The following SMC5 variants were observed in gnomAD, a reference collection of about 807,000 sequenced individuals.
The protein encoded by SMC5 is structural maintenance of chromosomes protein 5.
SMC5 carries 88 observed loss-of-function variants against 148.3 expected under a neutral mutation model. The observed-to-expected ratio is 0.59, with a 90% CI of 0.50 to 0.71. The LOEUF (loss-of-function observed/expected upper bound fraction) is 0.71. Among genes scored for constraint, SMC5 ranks in the 30% least tolerant of loss-of-function variants. The probability of loss-of-function intolerance (pLI) is 0.00; values close to 1 mark genes in which losing one functional copy is unlikely to be tolerated. For missense variants in SMC5, 1,142 were observed against 1,298.9 expected (o/e 0.88, Z 1.86); for synonymous variants, 421 against 432.8 (o/e 0.97, Z 0.34).
intron 15 of SMC5, among the ~76,000 whole-genome samples, chr9:70,321,030 T>G (rs963658607): frequency 6.6e-6 from 1 of 152,192 alleles, no homozygotes; most frequent in Non-Finnish European, 1.5e-5. Context: ...AAATAGTTTT[T>G]AACTCACAGA....
chr9:70,341,976 C>G (rs1321027032), intron 17 of SMC5, among the ~76,000 whole-genome samples: 1 of 149,386 alleles, frequency 6.7e-6, no homozygotes, highest in East Asian at 2.0e-4. Flanking sequence ...ATAGCAAAGA[C>G]TTGGAACCAA....
intron 17 of SMC5, among the ~76,000 whole-genome samples, chr9:70,343,837 G>A (rs905397122): frequency 5.9e-5 from 9 of 151,768 alleles, no homozygotes; most frequent in African/African-American, 1.7e-4. Flanking sequence ...AAATAAATAA[G>A]TAAATAAATA....
At chr9:70,314,305 G>A (rs1287037741) in intron 11 of SMC5, among the ~76,000 whole-genome samples, 2 of 152,192 alleles carry the variant, frequency 1.3e-5, no homozygotes, top group Admixed American at 1.3e-4. Flanking sequence ...ATCTCACCTA[G>A]TGCTATTCTT....
intron 11 of SMC5, among the ~76,000 whole-genome samples, chr9:70,308,770 CACT>C (rs920871708): frequency 6.6e-6 from 1 of 151,828 alleles, no homozygotes; most frequent in Non-Finnish European, 1.5e-5. Context: ...ATATTTTTTA[CACT>C]ATCATAAATG....
chr9:70,289,965 A>T (rs1272015442), intron 8 of SMC5, among the ~76,000 whole-genome samples: 1 of 151,970 alleles, frequency 6.6e-6, no homozygotes, highest in Non-Finnish European at 1.5e-5. Context: ...CAAAACCCAA[A>T]ACCGTTTTGA....
chr9:70,301,974 CTG>C (rs1202005437), intron 10 of SMC5, among the ~76,000 whole-genome samples: 1 of 152,192 alleles, frequency 6.6e-6, no homozygotes, highest in Non-Finnish European at 1.5e-5. Context: ...GATGATATGA[CTG>C]TGAAGTTCTA....
At chr9:70,281,948 AT>A (rs561452482) in intron 6 of SMC5, among the ~76,000 whole-genome samples, 4 of 148,108 alleles carry the variant, frequency 2.7e-5, no homozygotes, top group Admixed American at 6.7e-5. Context: ...GTGCCACTTA[AT>A]TTTTTTTTAG....
In SMC5 at chr9:70,259,086, C is replaced by G. The variant is rs748755647; in HGVS notation, c.8C>G (p.Thr3Ser). The G allele has an allele frequency of 7.5e-6, 12 of 1,604,576 alleles. No homozygotes were observed. The South Asian group carries it at 1.2e-4, about 16-fold the overall frequency. ...GACGCTGAGGAAGCCAGGATGGCGA[C>G]TCCGAGCAAGAAGACGTCAACTCCA... is the stretch of plus-strand genomic sequence containing the variant. MA[T>S]PSKKTSTPSP... is the part of the protein sequence containing the mutation. The change falls in exon 1 of 25, where the codon ACT becomes AGT. Residue 3 changes from threonine to serine, a missense_variant. Coordinates refer to ENST00000361138, the MANE Select transcript of SMC5 (RefSeq NM_015110.4).
chr9:70,346,246 G>A (rs2036663795), intron 18 of SMC5: 2 of 201,370 alleles, frequency 9.9e-6, no homozygotes, highest in Admixed American at 1.1e-4. Context: ...AATATTTGAA[G>A]GTCTATAGAG....
intron 15 of SMC5, among the ~76,000 whole-genome samples, chr9:70,320,309 A>C (rs2035910796): frequency 6.6e-6 from 1 of 152,182 alleles, no homozygotes; most frequent in East Asian, 1.9e-4. Flanking sequence ...TTGTAACCCC[A>C]ACACTTTGTG....
At chr9:70,326,416 A>G (rs1437103830) in intron 17 of SMC5, among the ~76,000 whole-genome samples, 1 of 152,144 alleles carries the variant, frequency 6.6e-6, no homozygotes, top group Non-Finnish European at 1.5e-5. Context: ...AAATGGAAAT[A>G]CAAATTTTAA....
In SMC5 at chr9:70,314,752, A is replaced by G. The variant is rs369039572; in HGVS notation, c.1589A>G (p.Asn530Ser). Reference sequence around the variant, plus strand: ...TTTCCCTATATTCAGGTTCGTGACAATAAAAAATTAAGAGTAAATGCTGTT... The same window carrying G: ...TTTCCCTATATTCAGGTTCGTGACAGTAAAAAATTAAGAGTAAATGCTGTT... ...MEVFLKEVRD[N>S]KKLRVNAVIA... Residue 530 changes from asparagine (N) to serine (S), a missense_variant, in exon 12 of 25, where the codon AAT (asparagine) becomes AGT (serine). By Grantham distance (46) the Asn-to-Ser change is conservative (BLOSUM62 1). Coordinates refer to ENST00000361138, the MANE Select transcript of SMC5 (RefSeq NM_015110.4). 8 of 1,548,402 alleles carry G rather than the reference A, an allele frequency of 5.2e-6. No homozygotes were observed. The highest frequency in any genetic ancestry group is 7.0e-6 in the Non-Finnish European group (8 of 1,143,736).
chr9:70,337,149 G>T (rs372789777), intron 17 of SMC5, among the ~76,000 whole-genome samples: 1 of 152,116 alleles, frequency 6.6e-6, no homozygotes, highest in African/African-American at 2.4e-5. Flanking sequence ...ATGAGATTTG[G>T]GTGGGGACAC....
At chr9:70,329,370 G>A (rs1204302175) in intron 17 of SMC5, among the ~76,000 whole-genome samples, 3 of 152,172 alleles carry the variant, frequency 2.0e-5, no homozygotes, top group African/African-American at 7.2e-5. Context: ...AAGCAGCCAG[G>A]CCCCATCTTG....
At chr9:70,339,322 G>A (rs933961174) in intron 17 of SMC5, among the ~76,000 whole-genome samples, 15 of 151,976 alleles carry the variant, frequency 9.9e-5, no homozygotes, top group Admixed American at 2.6e-4. Context: ...CCAGCTACTC[G>A]GGAGGCTGAG....
chr9:70,309,954 A>G (rs1364329240), intron 11 of SMC5, among the ~76,000 whole-genome samples: 2 of 152,120 alleles, frequency 1.3e-5, no homozygotes, highest in Non-Finnish European at 1.5e-5. Flanking sequence ...GGTATAAGCA[A>G]TTCTGCCTCA....
In SMC5 at chr9:70,318,946, C is replaced by G; in HGVS notation, c.2133C>G (p.Ile711Met). Residue 711 changes from isoleucine (I) to methionine (M), a missense_variant, in exon 15 of 25, where the codon ATC becomes ATG. Physicochemically the swap from Ile to Met is conservative, Grantham distance 10 (BLOSUM62 1). Transcript: ENST00000361138. ...KTKKRQLEQK[I>M]SSKLGSLKLM... ...AGAAAAGACAACTGGAACAAAAAATCAGTTCCAAACTAGGAAGGTATCTTT... is the reference window on the plus strand; with the variant it reads ...AGAAAAGACAACTGGAACAAAAAATGAGTTCCAAACTAGGAAGGTATCTTT... 1 of 1,607,442 alleles carries G rather than the reference C, an allele frequency of 6.2e-7. No homozygotes were observed. The highest frequency in any genetic ancestry group is 8.5e-7 in the Non-Finnish European group (1 of 1,177,936).
chr9:70,280,957 G>A (rs1388344697), intron 6 of SMC5, 58 bp downstream of exon 6: 1 of 1,579,384 alleles, frequency 6.3e-7, no homozygotes, highest in Non-Finnish European at 8.7e-7. Context: ...GAGTAATTAT[G>A]ATGAAAGTAT....
At chr9:70,307,466 A>G (rs1286460163) in intron 11 of SMC5, among the ~76,000 whole-genome samples, 2 of 152,072 alleles carry the variant, frequency 1.3e-5, no homozygotes, top group Non-Finnish European at 2.9e-5. Context: ...TTGTATCAGT[A>G]TAGATTCATA....
Sources: gnomAD v4.1 joint callset for allele counts (sites outside exome capture counted in the v4.1 genomes callset) on GRCh38, gnomAD v4.1.1 for gene constraint, MANE v1.5 for transcripts, NCBI Gene and HGNC (gene_info 2026-07-23, HGNC 2026-07-21) for gene names.